LRP2: variants seen among roughly 807,000 people sequenced by gnomAD.
LRP2 encodes the protein LDL receptor related protein 2, also known as low-density lipoprotein receptor-related protein 2.
A neutral mutation model predicts 531.0 loss-of-function variants in LRP2; 172 were observed. The ratio of observed to expected loss-of-function variants is 0.32; its 90% CI spans 0.29 to 0.37. The LOEUF (loss-of-function observed/expected upper bound fraction) is 0.37, where lower values mean the gene tolerates loss of function less well. Among genes scored for constraint, LRP2 ranks in the 10% least tolerant of loss-of-function variants. The probability of loss-of-function intolerance (pLI) is 1.00; values close to 1 mark genes in which losing one functional copy is unlikely to be tolerated. For missense variants in LRP2, 5,167 were observed against 5,868.3 expected (o/e 0.88, Z 3.90); for synonymous variants, 1,992 against 2,027.6 (o/e 0.98, Z 0.47).
intron 16 of LRP2, among the ~76,000 whole-genome samples, chr2:169,266,835 C>A (rs1342420722): frequency 6.8e-6 from 1 of 146,150 alleles, no homozygotes; most frequent in Non-Finnish European, 1.5e-5. Context: ...CGTGACATTT[C>A]TTTTATGTTA....
chr2:169,314,342 A>G (rs1684703142), intron 3 of LRP2, among the ~76,000 whole-genome samples: 1 of 151,952 alleles, frequency 6.6e-6, no homozygotes, highest in South Asian at 2.1e-4. Flanking sequence ...GCCAAAAAAA[A>G]CTTCTCTTTT....
intron 16 of LRP2, 32 bp downstream of exon 16, chr2:169,270,872 C>G (rs1324127169): frequency 1.5e-6 from 1 of 683,352 alleles, no homozygotes; most frequent in South Asian, 3.0e-5. Flanking sequence ...AACACGCATA[C>G]ACACACACAC....
intron 33 of LRP2, among the ~76,000 whole-genome samples, chr2:169,221,141 T>A (rs536591066): frequency 1.5e-4 from 23 of 152,306 alleles, no homozygotes; most frequent in African/African-American, 3.4e-4. Flanking sequence ...CTTTGAACTT[T>A]ATCAGTCAAA....
chr2:169,128,986 G>A (rs746649065), intron 78 of LRP2, 27 bp downstream of exon 78: 1 of 1,574,480 alleles, frequency 6.4e-7, no homozygotes, highest in Non-Finnish European at 8.7e-7. Context: ...AAAAATGTCT[G>A]TGCTAAGAAA....
chr2:169,162,676 G>C (rs1686634477), intron 62 of LRP2, 76 bp from the exon 63 acceptor site: 1 of 1,468,694 alleles, frequency 6.8e-7, no homozygotes, highest in Admixed American at 1.7e-5. Context: ...GACAGAGACA[G>C]TTTGTGCTTA....
chr2:169,240,667 G>C, intron 25 of LRP2: 1 of 514,434 alleles, frequency 1.9e-6, no homozygotes, highest in Non-Finnish European at 3.4e-6. Flanking sequence ...AAATATTAAA[G>C]TTAGAAAAAT....
chr2:169,143,324 A>T (rs537187832), intron 70 of LRP2, among the ~76,000 whole-genome samples: 5 of 152,328 alleles, frequency 3.3e-5, no homozygotes, highest in African/African-American at 1.2e-4. Context: ...ATGGTTCCTC[A>T]TAATCACCTG....
intron 18 of LRP2, among the ~76,000 whole-genome samples, 197 bp downstream of exon 18, chr2:169,256,927 C>A (rs749458568): frequency 1.6e-4 from 24 of 152,166 alleles, no homozygotes; most frequent in Non-Finnish European, 2.9e-4. Context: ...GTTTTCACCC[C>A]AGCAGTAGCT....
intron 76 of LRP2, among the ~76,000 whole-genome samples, chr2:169,133,973 T>C (rs1255681978): frequency 6.6e-6 from 1 of 152,116 alleles, no homozygotes; most frequent in Non-Finnish European, 1.5e-5. Context: ...GTTACCTATT[T>C]CGGCATAATT....
At chr2:169,270,870 TACACACAC>T in intron 16 of LRP2, 26 bp downstream of exon 16, 3 of 1,392,306 alleles carry the variant, frequency 2.2e-6, no homozygotes, top group African/African-American at 1.4e-5. Context: ...AAAACACGCA[TACACACAC>T]ACACACACAC....
intron 64 of LRP2, 85 bp downstream of exon 64, chr2:169,157,286 A>T: frequency 7.4e-7 from 1 of 1,349,436 alleles, no homozygotes; most frequent in Non-Finnish European, 1.0e-6. Flanking sequence ...GGAATTAAAT[A>T]GTGATTTATT....
intron 1 of LRP2, among the ~76,000 whole-genome samples, chr2:169,327,553 G>A (rs1373785510): frequency 3.5e-5 from 4 of 113,238 alleles, no homozygotes; most frequent in Non-Finnish European, 3.7e-5. Flanking sequence ...CCCCCCGCCC[G>A]GCCAGCCGCC....
At chr2:169,310,171 G>A (rs1243873256) in intron 3 of LRP2, among the ~76,000 whole-genome samples, 3 of 152,196 alleles carry the variant, frequency 2.0e-5, no homozygotes, top group Admixed American at 1.3e-4. Flanking sequence ...ATCTGCAAAC[G>A]GGGACAATTT....
At chr2:169,269,859 T>G (rs1309678691) in intron 16 of LRP2, among the ~76,000 whole-genome samples, 3 of 152,100 alleles carry the variant, frequency 2.0e-5, no homozygotes, top group East Asian at 1.9e-4. Flanking sequence ...CTACCCATCT[T>G]ACAAAGGGCT....
intron 1 of LRP2, among the ~76,000 whole-genome samples, chr2:169,336,067 A>G (rs2105547641): frequency 6.6e-6 from 1 of 152,226 alleles, no homozygotes; most frequent in East Asian, 1.9e-4. Flanking sequence ...AATTCTCTAA[A>G]CTTTCTCTTA....
chr2:169,327,155 G>A (rs1456729114), intron 1 of LRP2, among the ~76,000 whole-genome samples: 2 of 132,534 alleles, frequency 1.5e-5, no homozygotes, highest in Admixed American at 7.5e-5. Flanking sequence ...CCCCCCGCCC[G>A]GCCAGCCGCC....
At chr2:169,147,255 A>C (rs896121843) in intron 68 of LRP2, among the ~76,000 whole-genome samples, 2 of 152,232 alleles carry the variant, frequency 1.3e-5, no homozygotes, top group Admixed American at 6.5e-5. Flanking sequence ...TTCACTCTTC[A>C]AGAAATATTA....
At chr2:169,177,743 C>T (rs936524926) in intron 53 of LRP2, 60 bp downstream of exon 53, 4 of 1,355,112 alleles carry the variant, frequency 3.0e-6, no homozygotes, top group Non-Finnish European at 2.1e-6. Context: ...TGCTTAAAGA[C>T]AATCATGACA....
intron 7 of LRP2, among the ~76,000 whole-genome samples, chr2:169,291,331 T>C (rs1310069745): frequency 1.3e-5 from 2 of 152,220 alleles, no homozygotes; most frequent in Admixed American, 6.5e-5. Context: ...AATTATAGAA[T>C]TAGGGCCATC....
Sources: gnomAD v4.1 joint callset for allele counts (sites outside exome capture counted in the v4.1 genomes callset) on GRCh38, gnomAD v4.1.1 for gene constraint, MANE v1.5 for transcripts, NCBI Gene and HGNC (gene_info 2026-07-23, HGNC 2026-07-21) for gene names.